Variants in MPV17L2 observed in about 807,000 individuals in gnomAD.
The protein encoded by MPV17L2 is mpv17-like protein 2.
In MPV17L2, 25 loss-of-function variants were observed where a neutral mutation model predicts 24.2. That is an observed-to-expected ratio of 1.03 (90% CI 0.75 to 1.44). The LOEUF is 1.44. MPV17L2 is among the 40% of genes most tolerant of loss of function. MPV17L2 has a pLI of 0.00. For missense variants in MPV17L2, 271 were observed against 276.2 expected, an observed-to-expected ratio of 0.98 and a Z score of 0.13; for synonymous variants, 130 against 121.4, an observed-to-expected ratio of 1.07 and a Z score of -0.46.
At chr19:18,193,597 C>T in intron 1 of MPV17L2, 129 bp downstream of exon 1, 3 of 1,405,286 alleles carry the variant, frequency 2.1e-6, no homozygotes, top group Non-Finnish European at 2.8e-6. Flanking sequence ...GCGCCTCTCC[C>T]CGGGTGTCTG....
chr19:18,195,604 C>G (rs1452648974), intron 4 of MPV17L2, among the ~76,000 whole-genome samples: 2 of 151,730 alleles, frequency 1.3e-5, no homozygotes, highest in African/African-American at 4.8e-5. Context: ...GAGGCCGAGG[C>G]AGGCGGATCA....
chr19:18,194,375 T>A (rs62120372), intron 2 of MPV17L2, among the ~76,000 whole-genome samples: 37,365 of 151,940 alleles, frequency 0.25, 4,686 homozygotes, highest in Middle Eastern at 0.33. Context: ...GAAGAGAAAT[T>A]GAGGCTAGAC....
At chr19:18,193,760 C>G in intron 1 of MPV17L2, 104 bp from the exon 2 acceptor site, 1 of 1,523,734 alleles carries the variant, frequency 6.6e-7, no homozygotes, top group South Asian at 1.3e-5. Flanking sequence ...GCTGAGGCTC[C>G]GGGATGGCAT....
In MPV17L2 at chr19:18,193,448, T is replaced by C; in HGVS notation, c.167T>C (p.Val56Ala). Residue 56 changes from valine (V) to alanine (A), a missense_variant, in exon 1 of 5, where the codon GTT becomes GCT. Transcript: ENST00000599612. ...SWEIRARPGQVFDPRRSASMF... is the reference protein window; with the variant it reads ...SWEIRARPGQAFDPRRSASMF... ...GAGATCCGCGCCCGGCCCGGCCAGGTTTTCGACCCACGGCGCTCCGGTGAG... is the reference window on the plus strand; with the variant it reads ...GAGATCCGCGCCCGGCCCGGCCAGGCTTTCGACCCACGGCGCTCCGGTGAG... The C allele has an allele frequency of 6.5e-7, 1 of 1,539,706 alleles. No homozygotes were observed. The highest frequency in any genetic ancestry group is 8.7e-7 in the Non-Finnish European group (1 of 1,154,316).
chr19:18,196,283 A>G lies in MPV17L2; in HGVS notation c.*228A>G, dbSNP rs949846666. 1.9e-5 allele frequency: 28 copies of G among 1,497,462 alleles called. No homozygotes were observed. The Admixed American group carries it at 2.4e-4, about 13-fold the overall frequency. The allele number at this position is 1,497,462 out of a possible 1,614,324, so 92.8% of individuals were successfully genotyped here. A position where few individuals can be genotyped will look rare whatever the true frequency, so the allele number is the denominator to read the frequency against. The stretch of plus-strand genomic sequence containing the variant: ...GGATGATCATCCCCTAGCCCTTCTC[A>G]GCAGGAACCTCATGCGACCTGTGAC... On this transcript the variant is annotated 3_prime_UTR_variant, in exon 5 of 5. Coordinates refer to ENST00000599612, the MANE Select transcript of MPV17L2 (RefSeq NM_032683.3).
At position 18,193,479 on chromosome 19, in the gene MPV17L2, C is replaced by G. The variant is rs775122059; in HGVS notation, c.187+11C>G. On this transcript the variant is annotated intron_variant, in intron 1 of 4. Transcript: ENST00000599612. ...ACCCACGGCGCTCCGGTGAGGACGC[C>G]ACGCTGCTTAGTCCTTCACCCCGGG... is the stretch of plus-strand genomic sequence containing the variant. 5 of 1,502,330 alleles carry G rather than the reference C, an allele frequency of 3.3e-6. No homozygotes were observed. The highest frequency in any genetic ancestry group is 2.2e-5 in the Admixed American group (1 of 46,152). 93.1% of individuals were successfully genotyped at this position (1,502,330 alleles called of 1,614,324 possible).
rs1967481865 is a variant in MPV17L2, at chr19:18,194,821, G to T, written c.403G>T (p.Glu135Ter). The T allele has an allele frequency of 6.2e-7, 1 of 1,610,434 alleles. No individual in the cohort carries two copies. Among genetic ancestry groups the T allele is most frequent in the Non-Finnish European group, 8.5e-7 (1 of 1,178,950 alleles). ...TCAGACAGTGGGTGAGAGCTGCCAG[G>T]AGCTGCGGGAGAAGTTCTGGGAATT... ...EGQTVGESCQ[E>*]LREKFWEFYK... Residue 135 changes from glutamate (E) to a stop codon, truncating the protein, a stop_gained, in exon 3 of 5, where the codon GAG becomes TAG. Transcript: ENST00000599612. LOFTEE classifies it high-confidence loss of function.
chr19:18,195,127 A>G (rs1967489920), intron 4 of MPV17L2, 41 bp downstream of exon 4: 1 of 1,599,802 alleles, frequency 6.3e-7, no homozygotes, highest in African/African-American at 1.3e-5. Context: ...GGGACTCCCC[A>G]GGGGGCTACA....
At chr19:18,194,541 GTTTA>G (rs750673546) in intron 2 of MPV17L2, among the ~76,000 whole-genome samples, 1 of 152,186 alleles carries the variant, frequency 6.6e-6, no homozygotes, top group Non-Finnish European at 1.5e-5. Flanking sequence ...TGGGGCACGT[GTTTA>G]TATGTTTATA....
In MPV17L2 at chr19:18,193,372, C is replaced by T; in HGVS notation, c.91C>T (p.Leu31=). 1 of 1,569,640 alleles carries T rather than the reference C, an allele frequency of 6.4e-7. No individual in the cohort carries two copies. Among genetic ancestry groups the T allele is most frequent in the Non-Finnish European group, 8.6e-7 (1 of 1,163,708 alleles). The change falls in exon 1 of 5, where the codon CTG becomes TTG. Residue 31 remains leucine, a synonymous_variant. Transcript: ENST00000599612. The part of the protein sequence containing the change: ...QGRALLVTNT[L]GCGALMAAGD... ...CCGCGCGCTGCTCGTCACTAACACG[C>T]TGGGCTGCGGCGCGCTCATGGCGGC...
In MPV17L2 at chr19:18,194,009, A is replaced by G; in HGVS notation, c.333A>G (p.Pro111=). 1 of 1,614,076 alleles carries G rather than the reference A, an allele frequency of 6.2e-7. No individual in the cohort carries two copies. The highest frequency in any genetic ancestry group is 8.5e-7 in the Non-Finnish European group (1 of 1,179,976). ...KVLVDQLVAS[P]LLGVWYFLGL... Reference sequence around the variant, plus strand: ...TCGTGGATCAGCTGGTAGCCTCTCCATTGCTGGGCGTCTGGTACTTCTTGG... The same window carrying G: ...TCGTGGATCAGCTGGTAGCCTCTCCGTTGCTGGGCGTCTGGTACTTCTTGG... Residue 111 remains proline (P), a synonymous_variant, in exon 2 of 5, where the codon CCA becomes CCG. Transcript: ENST00000599612.
chr19:18,194,162 G>T (rs779998714), intron 2 of MPV17L2, 128 bp downstream of exon 2: 24 of 1,026,644 alleles, frequency 2.3e-5, no homozygotes, highest in Non-Finnish European at 3.3e-5. Flanking sequence ...TGGACTAGGA[G>T]CCAGGTCACA....
At position 18,193,305 on chromosome 19, in the gene MPV17L2, G is replaced by A. The variant is rs1383970296; in HGVS notation, c.24G>A (p.Arg8=). Residue 8 remains arginine (R), a synonymous_variant, in exon 1 of 5, where the codon CGG becomes CGA. Coordinates refer to ENST00000599612, the MANE Select transcript of MPV17L2 (RefSeq NM_032683.3). ...CGATGGCGCGGGGTGGCTGGCGCCG[G>A]CTACGCCGCCTGTTATCCGCGGGGC... is the stretch of plus-strand genomic sequence containing the variant. MARGGWR[R]LRRLLSAGQL... is the part of the protein sequence containing the mutation. 5 of 1,548,792 alleles carry A rather than the reference G, an allele frequency of 3.2e-6. No homozygotes were observed. Among genetic ancestry groups the A allele is most frequent in the Admixed American group, 1.9e-5 (1 of 52,376 alleles).
At chr19:18,194,650 C>T (rs1967478158) in intron 2 of MPV17L2, 127 bp from the exon 3 acceptor site, 2 of 750,356 alleles carry the variant, frequency 2.7e-6, no homozygotes, top group Non-Finnish European at 4.4e-6. Context: ...GTCCCTGTCC[C>T]TCTGCCCGGG....
In MPV17L2 at chr19:18,193,257, G is replaced by T; in HGVS notation, c.-25G>T. On this transcript the variant is annotated 5_prime_UTR_variant, in exon 1 of 5. Coordinates refer to ENST00000599612, the MANE Select transcript of MPV17L2 (RefSeq NM_032683.3). ...CGGCGCGGCGAAAGCAGAGCGGCGC[G>T]CCGGTTCCTTGGTTCCTGAGGGCGA... 1.4e-6 allele frequency: 2 copies of T among 1,461,758 alleles called. No homozygotes were observed. The highest frequency in any genetic ancestry group is 9.0e-7 in the Non-Finnish European group (1 of 1,113,514). 90.5% of individuals were successfully genotyped at this position (1,461,758 alleles called of 1,614,324 possible). A position where few individuals can be genotyped will look rare whatever the true frequency, so the allele number is the denominator to read the frequency against.
rs1201543708 is a variant in MPV17L2, at chr19:18,196,296, T to G, written c.*241T>G. 2.0e-6 allele frequency: 3 copies of G among 1,480,690 alleles called. No homozygotes were observed. Among genetic ancestry groups the G allele is most frequent in the Non-Finnish European group, 2.7e-6 (3 of 1,111,762 alleles). The allele number at this position is 1,480,690 out of a possible 1,614,324, so 91.7% of individuals were successfully genotyped here. On this transcript the variant is annotated 3_prime_UTR_variant, in exon 5 of 5. Coordinates refer to ENST00000599612, the MANE Select transcript of MPV17L2 (RefSeq NM_032683.3). ...CTAGCCCTTCTCAGCAGGAACCTCATGCGACCTGTGACCAAGATGTCCCAT... is the reference window on the plus strand; with the variant it reads ...CTAGCCCTTCTCAGCAGGAACCTCAGGCGACCTGTGACCAAGATGTCCCAT...
chr19:18,195,175 G>A (rs888153783), intron 4 of MPV17L2, 89 bp downstream of exon 4: 113 of 1,529,974 alleles, frequency 7.4e-5, no homozygotes, highest in Non-Finnish European at 9.1e-5. Context: ...CAGCCACCCT[G>A]GAGGGTGGGA....
intron 1 of MPV17L2, 195 bp from the exon 2 acceptor site, chr19:18,193,669 A>G (rs1967462996): frequency 7.0e-7 from 1 of 1,430,352 alleles, no homozygotes; most frequent in African/African-American, 1.4e-5. Flanking sequence ...CCCACTACCC[A>G]GGAGCCTCTG....
chr19:18,193,289 G>C lies in MPV17L2; in HGVS notation c.8G>C (p.Arg3Pro), dbSNP rs780288310. Residue 3 changes from arginine (R) to proline (P), a missense_variant, in exon 1 of 5, where the codon CGG becomes CCG. Coordinates refer to ENST00000599612, the MANE Select transcript of MPV17L2 (RefSeq NM_032683.3). MARGGWRRLRRLL... is the reference protein window; with the variant it reads MAPGGWRRLRRLL... ...CCTTGGTTCCTGAGGGCGATGGCGC[G>C]GGGTGGCTGGCGCCGGCTACGCCGC... is the stretch of plus-strand genomic sequence containing the variant. 1.9e-6 allele frequency: 3 copies of C among 1,540,488 alleles called. No individual in the cohort carries two copies. Among genetic ancestry groups the C allele is most frequent in the South Asian group, 1.2e-5 (1 of 83,000 alleles).
Sources: allele counts gnomAD v4.1 joint callset (sites outside exome capture counted in the v4.1 genomes callset), GRCh38; gene constraint gnomAD v4.1.1; transcripts MANE v1.5; gene names NCBI Gene and HGNC (gene_info 2026-07-23, HGNC 2026-07-21).